Variants in TRMT10A observed in about 807,000 individuals in gnomAD.
The protein encoded by TRMT10A is tRNA methyltransferase 10A.
A neutral mutation model predicts 40.4 loss-of-function variants in TRMT10A; 37 were observed. That is an observed-to-expected ratio of 0.92 (90% CI 0.71 to 1.21). The LOEUF is 1.21. TRMT10A is among the 50% of genes most tolerant of loss of function. TRMT10A has a pLI of 0.00. For synonymous variants in TRMT10A, 103 were observed against 134.1 expected (o/e 0.77, Z 1.60); for missense variants, 388 against 404.3 (o/e 0.96, Z 0.35).
chr4:99,547,281 T>C lies in TRMT10A; in HGVS notation c.*1807A>G, dbSNP rs1263381326. ...CAGGAAGAGGCTAGGAAGTATTCTTTCCTAGGGCCTAAGGAGGAAGCATGG... is the reference window on the plus strand; with the variant it reads ...CAGGAAGAGGCTAGGAAGTATTCTTCCCTAGGGCCTAAGGAGGAAGCATGG... On this transcript the variant is annotated 3_prime_UTR_variant, in exon 8 of 8. Coordinates refer to ENST00000394876, the MANE Select transcript of TRMT10A (RefSeq NM_001134665.3). The C allele has an allele frequency of 6.6e-6, 1 of 152,138 alleles. No homozygotes were observed. The highest frequency in any genetic ancestry group is 1.5e-5 in the Non-Finnish European group (1 of 68,026). The allele number at this position is 152,138 out of a possible 1,614,324, so 9.4% of individuals were successfully genotyped here. A position where few individuals can be genotyped will look rare whatever the true frequency, so the allele number is the denominator to read the frequency against.
chr4:99,560,222 CAG>C (rs1724334881), intron 1 of TRMT10A, among the ~76,000 whole-genome samples: 1 of 151,930 alleles, frequency 6.6e-6, no homozygotes, highest in African/African-American at 2.4e-5. Flanking sequence ...TGAAATATTT[CAG>C]AGAGGTCATA....
intron 1 of TRMT10A, among the ~76,000 whole-genome samples, chr4:99,562,608 C>T (rs1338356025): frequency 2.7e-5 from 4 of 145,624 alleles, no homozygotes; most frequent in African/African-American, 5.2e-5. Flanking sequence ...TCACTGCAAC[C>T]TCTGCCTCCC....
rs1723837471 is a variant in TRMT10A, at chr4:99,548,759, A to ATT, written c.*328_*329insAA. ...ATGTGACTATAAAATTAAAAAACTG[A>ATT]AAGGTCAGAAGGCACATTCTAAAGA... On this transcript the variant is annotated 3_prime_UTR_variant, in exon 8 of 8. Transcript: ENST00000394876. The ATT allele has an allele frequency of 1.6e-5, 3 of 182,828 alleles. No individual in the cohort carries two copies. The highest frequency in any genetic ancestry group is 3.4e-5 in the Non-Finnish European group (3 of 88,784). 11.3% of individuals were successfully genotyped at this position (182,828 alleles called of 1,614,324 possible).
chr4:99,555,353 A>T (rs1724124685), intron 5 of TRMT10A, among the ~76,000 whole-genome samples: 1 of 152,182 alleles, frequency 6.6e-6, no homozygotes, highest in Non-Finnish European at 1.5e-5. Context: ...TTTGAGAAAG[A>T]AAAAAGGTAT....
At position 99,547,910 on chromosome 4, in the gene TRMT10A, A is replaced by C. The variant is rs1165990990; in HGVS notation, c.*1178T>G. ...AAATCTTTTAGCTGTGACAGAGACCAATCATTTTACCTTAAACATTTAACT... is the reference window on the plus strand; with the variant it reads ...AAATCTTTTAGCTGTGACAGAGACCCATCATTTTACCTTAAACATTTAACT... On this transcript the variant is annotated 3_prime_UTR_variant, in exon 8 of 8. Transcript: ENST00000394876. 3 of 152,164 alleles carry C rather than the reference A, an allele frequency of 2.0e-5. No homozygotes were observed. Among genetic ancestry groups the C allele is most frequent in the African/African-American group, 4.8e-5 (2 of 41,468 alleles). The allele number at this position is 152,164 out of a possible 1,614,324, so 9.4% of individuals were successfully genotyped here.
At chr4:99,553,728 A>G in intron 6 of TRMT10A, 57 bp downstream of exon 6, 1 of 1,509,834 alleles carries the variant, frequency 6.6e-7, no homozygotes, top group Non-Finnish European at 9.0e-7. Context: ...CTTTCAGGAA[A>G]TGGTGATATA....
At chr4:99,563,470 A>C (rs924238230) in intron 1 of TRMT10A, 1 of 178,944 alleles carries the variant, frequency 5.6e-6, no homozygotes, top group Non-Finnish European at 1.2e-5. Flanking sequence ...GGTAAAGCCC[A>C]CGGTCTCTAG....
chr4:99,556,098 A>T, intron 5 of TRMT10A, 48 bp downstream of exon 5: 1 of 1,556,692 alleles, frequency 6.4e-7, no homozygotes, highest in Non-Finnish European at 8.8e-7. Flanking sequence ...GACCTTTAGA[A>T]ACATAAAAAT....
chr4:99,551,464 C>T (rs549801750), intron 6 of TRMT10A, among the ~76,000 whole-genome samples: 4 of 152,242 alleles, frequency 2.6e-5, no homozygotes, highest in Admixed American at 2.0e-4. Flanking sequence ...CACCTAGTGA[C>T]TTTGGAGCTG....
chr4:99,557,944 T>G, intron 3 of TRMT10A, 105 bp downstream of exon 3: 1 of 1,139,970 alleles, frequency 8.8e-7, no homozygotes. Flanking sequence ...AAACTGAAGA[T>G]TCATTTCAAT....
At chr4:99,553,972 G>A (rs1369025685) in intron 5 of TRMT10A, 38 bp from the exon 6 acceptor site, 4 of 1,584,738 alleles carry the variant, frequency 2.5e-6, no homozygotes, top group Non-Finnish European at 3.4e-6. Context: ...TAATTAATAA[G>A]ACCTTATGAA....
In TRMT10A at chr4:99,548,302, A is replaced by G. The variant is rs960714489; in HGVS notation, c.*786T>C. ...AAATTTAAAAAAAATATGGAAAAAA[A>G]AACCACAGCTGCTAAGAGCTGTTCC... is the stretch of plus-strand genomic sequence containing the variant. On this transcript the variant is annotated 3_prime_UTR_variant, in exon 8 of 8. Transcript: ENST00000394876. 1.5e-4 allele frequency: 23 copies of G among 152,282 alleles called. No homozygotes were observed. The highest frequency in any genetic ancestry group is 1.4e-3 in the Admixed American group (22 of 15,294). The allele number at this position is 152,282 out of a possible 1,614,324, so 9.4% of individuals were successfully genotyped here.
rs374223340 is a variant in TRMT10A, at chr4:99,547,604, TA to T, written c.*1483del. 309 of 152,130 alleles carry T rather than the reference TA, an allele frequency of 2.0e-3. 2 individuals are homozygous for T. The highest frequency in any genetic ancestry group is 7.2e-3 in the African/African-American group (298 of 41,528). The allele number at this position is 152,130 out of a possible 1,614,324, so 9.4% of individuals were successfully genotyped here. ...CTTTGAAAAAATACAACTTAAGACA[TA>T]AGCTTTGTTATTTTAAAATTGTAGG... On this transcript the variant is annotated 3_prime_UTR_variant, in exon 8 of 8. Transcript: ENST00000394876.
At chr4:99,554,088 T>A (rs1339089603) in intron 5 of TRMT10A, among the ~76,000 whole-genome samples, 154 bp from the exon 6 acceptor site, 3 of 152,238 alleles carry the variant, frequency 2.0e-5, no homozygotes, top group Non-Finnish European at 4.4e-5. Flanking sequence ...TTGAATTTAC[T>A]ACATCAATTT....
chr4:99,551,076 T>G (rs945208542), intron 6 of TRMT10A, 86 bp from the exon 7 acceptor site: 72 of 544,444 alleles, frequency 1.3e-4, no homozygotes, highest in Non-Finnish European at 1.8e-4. Flanking sequence ...AGATAAGATT[T>G]ATAGTTCAGA....
intron 1 of TRMT10A, among the ~76,000 whole-genome samples, chr4:99,562,125 C>A (rs1382726054): frequency 6.7e-6 from 1 of 149,436 alleles, no homozygotes; most frequent in Non-Finnish European, 1.5e-5. Context: ...GTGCCATGAT[C>A]GCAGCACTGC....
At position 99,563,601 on chromosome 4, in the gene TRMT10A, G is replaced by A. The variant is rs190030966; in HGVS notation, c.-24+312C>T. On this transcript the variant is annotated intron_variant, in intron 1 of 7. Transcript: ENST00000394876. Reference sequence around the variant, plus strand: ...CGATGGCAACCCCAAAACACACGCCGACGGAAAGCGCCCCACCACGGGGCG... The same window carrying A: ...CGATGGCAACCCCAAAACACACGCCAACGGAAAGCGCCCCACCACGGGGCG... 2.5e-4 allele frequency: 65 copies of A among 263,784 alleles called. 1 individual carries two copies. The highest frequency in any genetic ancestry group is 1.5e-3 in the South Asian group (43 of 28,528). The allele number at this position is 263,784 out of a possible 1,614,324, so 16.3% of individuals were successfully genotyped here.
chr4:99,551,280 C>T (rs527560009), intron 6 of TRMT10A, among the ~76,000 whole-genome samples: 20 of 152,266 alleles, frequency 1.3e-4, no homozygotes, highest in South Asian at 4.2e-4. Context: ...GGCAGAATCA[C>T]GAGAAAAATC....
At chr4:99,555,873 T>A (rs1724142633) in intron 5 of TRMT10A, among the ~76,000 whole-genome samples, 3 of 152,150 alleles carry the variant, frequency 2.0e-5, no homozygotes, top group Admixed American at 1.3e-4. Flanking sequence ...TAGGGAGAAA[T>A]GATATAAAGG....
Sources: allele counts gnomAD v4.1 joint callset (sites outside exome capture counted in the v4.1 genomes callset), GRCh38; gene constraint gnomAD v4.1.1; transcripts MANE v1.5; gene names NCBI Gene and HGNC (gene_info 2026-07-23, HGNC 2026-07-21).